Variants in CHD3 observed in about 807,000 individuals in gnomAD.
The protein encoded by CHD3 is chromodomain helicase DNA binding protein 3.
A neutral mutation model predicts 248.9 loss-of-function variants in CHD3; 52 were observed. The observed-to-expected ratio is 0.21, with a 90% confidence interval of 0.17 to 0.26. CHD3 has a LOEUF of 0.26. CHD3 is among the 10% of genes least tolerant of loss of function. The pLI, the probability that CHD3 is intolerant of heterozygous loss-of-function variation, is 1.00. For synonymous variants in CHD3, 985 were observed against 985.2 expected (o/e 1.00, Z 0.00); for missense variants, 1,482 against 2,605.8 (o/e 0.57, Z 9.39).
Position 7,894,132 on chromosome 17 carries a change from C to T in CHD3, c.942C>T (p.Asp314=), listed in dbSNP as rs147547238. The part of the protein sequence containing the change: ...KKGGSYVFQS[D]EGPEPEAEES... ...ATGGGCAGTATGTTTTTCAGAGCGACGAAGGTCCTGAACCAGAGGCTGAGG... is the reference window on the plus strand; with the variant it reads ...ATGGGCAGTATGTTTTTCAGAGCGATGAAGGTCCTGAACCAGAGGCTGAGG... Residue 314 remains aspartate (D), a synonymous_variant, in exon 7 of 40, where the codon GAC becomes GAT. Coordinates refer to ENST00000330494, the MANE Select transcript of CHD3 (RefSeq NM_001005273.3). 15 of 1,611,854 alleles carry T rather than the reference C, an allele frequency of 9.3e-6. No individual in the cohort carries two copies. Among genetic ancestry groups the T allele is most frequent in the African/African-American group, 2.7e-5 (2 of 74,814 alleles).
chr17:7,907,092 ATC>A lies in CHD3; in HGVS notation c.4667-30_4667-29del, dbSNP rs1971060479. 2 of 1,613,858 alleles carry A rather than the reference ATC, an allele frequency of 1.2e-6. No homozygotes were observed. Among genetic ancestry groups the A allele is most frequent in the Non-Finnish European group, 1.7e-6 (2 of 1,179,910 alleles). On this transcript the variant is annotated intron_variant, in intron 30 of 39. Coordinates refer to ENST00000330494, the MANE Select transcript of CHD3 (RefSeq NM_001005273.3). The surrounding 1 kb of genome is among the most constrained non-coding windows in gnomAD (Gnocchi z 4.3). Reference sequence around the variant, plus strand: ...GGGAGCCAGGAGTCAGGGCGGGAGAATCTCTGTCTTTATCACTGTGCCTTCCC... The same window carrying A: ...GGGAGCCAGGAGTCAGGGCGGGAGAATCTGTCTTTATCACTGTGCCTTCCC...
rs997924139 is a variant in CHD3, at chr17:7,903,137, C to T, written c.3495+76C>T. The T allele has an allele frequency of 1.5e-5, 23 of 1,579,882 alleles. No individual in the cohort carries two copies. Among genetic ancestry groups the T allele is most frequent in the South Asian group, 2.3e-5 (2 of 87,604 alleles). On this transcript the variant is annotated intron_variant, in intron 22 of 39. Transcript: ENST00000330494. This position sits in a 1 kb window ranked among gnomAD's most constrained non-coding sequence, Gnocchi z 6.8. ...GTTCATGGAGGAGGGTGTCATGTTC[C>T]GGGGTCAGAAATAAATCTCTTCTGG...
rs1971672500 is a variant in CHD3, at chr17:7,911,573, T to C, written c.5991T>C (p.Cys1997=). ...AGCCCCGAGCCGGGGAGGTGATCTG[T>C]ATAGACGACTGACTGGATCCCAGGC... ...RKEPRAGEVI[C]IDD The change falls in exon 40 of 40, where the codon TGT becomes TGC. Residue 1997 remains cysteine, a synonymous_variant. Transcript: ENST00000330494. The surrounding 1 kb of genome is among the most constrained non-coding windows in gnomAD (Gnocchi z 5.4). The C allele has an allele frequency of 1.2e-6, 2 of 1,614,064 alleles. No homozygotes were observed. The highest frequency in any genetic ancestry group is 4.5e-5 in the East Asian group (2 of 44,868).
chr17:7,900,432 A>G lies in CHD3; in HGVS notation c.2804+21A>G. On this transcript the variant is annotated intron_variant, in intron 17 of 39. Transcript: ENST00000330494. The surrounding 1 kb of genome is among the most constrained non-coding windows in gnomAD (Gnocchi z 6.5). ...TTTAAGTAAGTGGTTCCCTAAGGGTAGTTGGCAGAGATGAGAGGTGGAGCA... is the reference window on the plus strand; with the variant it reads ...TTTAAGTAAGTGGTTCCCTAAGGGTGGTTGGCAGAGATGAGAGGTGGAGCA... 1 of 1,614,024 alleles carries G rather than the reference A, an allele frequency of 6.2e-7. No homozygotes were observed. Among genetic ancestry groups the G allele is most frequent in the Non-Finnish European group, 8.5e-7 (1 of 1,179,960 alleles).
chr17:7,894,868 A>G lies in CHD3; in HGVS notation c.1270-49A>G, dbSNP rs1239868183. 4.4e-6 allele frequency: 7 copies of G among 1,601,064 alleles called. No individual in the cohort carries two copies. In the Admixed American group the frequency reaches 5.0e-5, roughly 12 times the overall value. ...GTCTTTGCCTGTATCTTCCAGTTTC[A>G]TTCCTTAATTTCTTCCATCTGTCTG... On this transcript the variant is annotated intron_variant, in intron 8 of 39. Transcript: ENST00000330494.
Position 7,903,112 on chromosome 17 carries a change from G to A in CHD3, c.3495+51G>A. The A allele has an allele frequency of 6.3e-7, 1 of 1,595,680 alleles. No individual in the cohort carries two copies. The highest frequency in any genetic ancestry group is 8.6e-7 in the Non-Finnish European group (1 of 1,167,144). On this transcript the variant is annotated intron_variant, in intron 22 of 39. Coordinates refer to ENST00000330494, the MANE Select transcript of CHD3 (RefSeq NM_001005273.3). The surrounding 1 kb of genome is among the most constrained non-coding windows in gnomAD (Gnocchi z 6.8). The stretch of plus-strand genomic sequence containing the variant: ...TGCACCATTTAGCAAGGAGATGTGG[G>A]TTCATGGAGGAGGGTGTCATGTTCC...
At position 7,909,213 on chromosome 17, in the gene CHD3, C is replaced by T. The variant is rs752113004; in HGVS notation, c.5465C>T (p.Pro1822Leu). 15 of 1,549,254 alleles carry T rather than the reference C, an allele frequency of 9.7e-6. No individual in the cohort carries two copies. Among genetic ancestry groups the T allele is most frequent in the East Asian group, 2.4e-5 (1 of 41,012 alleles). The change falls in exon 37 of 40, where the codon CCG becomes CTG. Residue 1822 changes from proline (P) to leucine (L), a missense_variant. Coordinates refer to ENST00000330494, the MANE Select transcript of CHD3 (RefSeq NM_001005273.3). This position sits in a 1 kb window ranked among gnomAD's most constrained non-coding sequence, Gnocchi z 8.1. Reference protein sequence around the residue: ...RAAYLNLSQEPAHPAMALHAR... With the variant: ...RAAYLNLSQELAHPAMALHAR... ...GCCTACCTGAACCTGTCGCAGGAGC[C>T]GGCGCACCCCGCCATGGCCCTCCAC...
chr17:7,905,986 T>A lies in CHD3; in HGVS notation c.4355T>A (p.Phe1452Tyr). ...CTGAGGGGCAAGACTGAGAAGGAGT[T>A]TAAGTGAGTGTGGGTGATACAGGGC... Reference protein sequence around the residue: ...RDLRGKTEKEFKAYVSLFMRH... With the variant: ...RDLRGKTEKEYKAYVSLFMRH... The change falls in exon 28 of 40, where the codon TTT becomes TAT. Residue 1452 changes from phenylalanine (F) to tyrosine (Y), a missense_variant. Phe to Tyr is a conservative substitution (Grantham distance 22). Around this residue, in one of 20 missense-constraint regions of CHD3, gnomAD observed 156 missense variants for 420.3 expected, o/e 0.37. Coordinates refer to ENST00000330494, the MANE Select transcript of CHD3 (RefSeq NM_001005273.3). The surrounding 1 kb of genome is among the most constrained non-coding windows in gnomAD (Gnocchi z 5.8). 6.2e-7 allele frequency: 1 copy of A among 1,613,826 alleles called. No homozygotes were observed. The highest frequency in any genetic ancestry group is 8.5e-7 in the Non-Finnish European group (1 of 1,179,902).
At chr17:7,893,782 T>C in intron 5 of CHD3, 23 bp from the exon 6 acceptor site, 1 of 1,611,422 alleles carries the variant, frequency 6.2e-7, no homozygotes, top group Non-Finnish European at 8.5e-7. Context: ...TTTTTCCTCT[T>C]CTCACCCCGA....
At chr17:7,884,827 C>CGAGGAG (rs781353736), upstream of CHD3, 3 of 803,844 alleles carry the variant, frequency 3.7e-6, no homozygotes, top group East Asian at 4.0e-5. Flanking sequence ...CTCTGAGGGA[C>CGAGGAG]GAGGAGGAGG....
chr17:7,889,173 G>A lies in CHD3; in HGVS notation c.100+73G>A. 2.5e-6 allele frequency: 4 copies of A among 1,592,052 alleles called. No homozygotes were observed. The South Asian group carries it at 4.5e-5, about 18-fold the overall frequency. On this transcript the variant is annotated intron_variant, in intron 1 of 39. Transcript: ENST00000330494. This position sits in a 1 kb window ranked among gnomAD's most constrained non-coding sequence, Gnocchi z 4.5. ...GATGTCAGGGCCCCAGGGTGTTAGT[G>A]TGAGAACCCAGGTGTCCACCTTTGG...
Position 7,904,017 on chromosome 17 carries a change from T to G in CHD3, c.3894+26T>G, listed in dbSNP as rs778862217. 6.2e-7 allele frequency: 1 copy of G among 1,610,196 alleles called. No homozygotes were observed. Among genetic ancestry groups the G allele is most frequent in the East Asian group, 2.2e-5 (1 of 44,826 alleles). On this transcript the variant is annotated intron_variant, in intron 24 of 39. Transcript: ENST00000330494. The surrounding 1 kb of genome is among the most constrained non-coding windows in gnomAD (Gnocchi z 4.4). ...GTGAGAGGCTTTGGGGGCCAGACAT[T>G]ATCTATCCCAGGCCATCTCCAAAAG...
chr17:7,893,379 C>G lies in CHD3; in HGVS notation c.603C>G (p.Pro201=). 9.9e-6 allele frequency: 16 copies of G among 1,613,860 alleles called. 1 individual carries two copies. Among genetic ancestry groups the G allele is most frequent in the Non-Finnish European group, 1.4e-5 (16 of 1,179,914 alleles). The change falls in exon 5 of 40, where the codon CCC becomes CCG. Residue 201 remains proline, a synonymous_variant. Transcript: ENST00000330494. ...GGAGAGAGTTCAGTGCCAACAACCC[C>G]TTCAAGGGGTCAGCAGCTGCTGTGG... is the stretch of plus-strand genomic sequence containing the variant. ...AKWREFSANN[P]FKGSAAAVAA...
In CHD3 at chr17:7,907,809, C is replaced by T; in HGVS notation, c.5027-85C>T. The T allele has an allele frequency of 6.6e-7, 1 of 1,505,540 alleles. No individual in the cohort carries two copies. Among genetic ancestry groups the T allele is most frequent in the Non-Finnish European group, 8.9e-7 (1 of 1,122,308 alleles). The allele number at this position is 1,505,540 out of a possible 1,614,324, so 93.3% of individuals were successfully genotyped here. A position where few individuals can be genotyped will look rare whatever the true frequency, so the allele number is the denominator to read the frequency against. On this transcript the variant is annotated intron_variant, in intron 33 of 39. Coordinates refer to ENST00000330494, the MANE Select transcript of CHD3 (RefSeq NM_001005273.3). The surrounding 1 kb of genome is among the most constrained non-coding windows in gnomAD (Gnocchi z 4.3). The stretch of plus-strand genomic sequence containing the variant: ...CTGGGCGGGTAGCTGTTTGAAAGGC[C>T]AGTACAGTACAGTACAGATAGTAGT...
Position 7,909,392 on chromosome 17 carries a change from T to C in CHD3, c.5590+54T>C. On this transcript the variant is annotated intron_variant, in intron 37 of 39. Transcript: ENST00000330494. This position sits in a 1 kb window ranked among gnomAD's most constrained non-coding sequence, Gnocchi z 8.1. ...GAGGGCCCACAACGCTGCGTAAGTC[T>C]TCACCCCGCACCCCTCAAAATCTTC... 6.7e-7 allele frequency: 1 copy of C among 1,490,310 alleles called. No individual in the cohort carries two copies. The highest frequency in any genetic ancestry group is 8.9e-7 in the Non-Finnish European group (1 of 1,117,618). 92.3% of individuals were successfully genotyped at this position (1,490,310 alleles called of 1,614,324 possible). A position where few individuals can be genotyped will look rare whatever the true frequency, so the allele number is the denominator to read the frequency against.
At position 7,903,219 on chromosome 17, in the gene CHD3, C is replaced by G; in HGVS notation, c.3496-53C>G. 1 of 1,590,424 alleles carries G rather than the reference C, an allele frequency of 6.3e-7. No homozygotes were observed. Among genetic ancestry groups the G allele is most frequent in the Non-Finnish European group, 8.6e-7 (1 of 1,161,664 alleles). ...TTTCCTGAGGCAGCTCTATGGGCAG[C>G]TTCTCCCCGGCCACTCCCCTGACCC... On this transcript the variant is annotated intron_variant, in intron 22 of 39. Transcript: ENST00000330494. This position sits in a 1 kb window ranked among gnomAD's most constrained non-coding sequence, Gnocchi z 6.8.
At chr17:7,893,708 C>G in intron 5 of CHD3, 97 bp from the exon 6 acceptor site, 1 of 1,535,714 alleles carries the variant, frequency 6.5e-7, no homozygotes, top group Non-Finnish European at 8.7e-7. Flanking sequence ...AGTGAAACCA[C>G]AGCCCACAGA....
At position 7,894,623 on chromosome 17, in the gene CHD3, C is replaced by T; in HGVS notation, c.1269+15C>T. 1 of 1,601,650 alleles carries T rather than the reference C, an allele frequency of 6.2e-7. No homozygotes were observed. Among genetic ancestry groups the T allele is most frequent in the Non-Finnish European group, 8.5e-7 (1 of 1,170,798 alleles). Reference sequence around the variant, plus strand: ...GCCCTCACTGTGTGAGTACCTAATGCCAGCATCTGATGGCCCTGAGGAACC... The same window carrying T: ...GCCCTCACTGTGTGAGTACCTAATGTCAGCATCTGATGGCCCTGAGGAACC... On this transcript the variant is annotated intron_variant, in intron 8 of 39. Coordinates refer to ENST00000330494, the MANE Select transcript of CHD3 (RefSeq NM_001005273.3).
chr17:7,889,625 C>T lies in CHD3; in HGVS notation c.101-39C>T. 6.4e-7 allele frequency: 1 copy of T among 1,570,634 alleles called. No individual in the cohort carries two copies. On this transcript the variant is annotated intron_variant, in intron 1 of 39. Transcript: ENST00000330494. This position sits in a 1 kb window ranked among gnomAD's most constrained non-coding sequence, Gnocchi z 4.5. ...GTTGAGGGGCCTCAGAGGCTGGAAA[C>T]CTAGAGGCTTAGGTTTTCTGATGCT...
Sources: allele counts gnomAD v4.1 joint callset, GRCh38; gene constraint gnomAD v4.1.1; regional missense constraint gnomAD v4.1.1; non-coding constraint Gnocchi (gnomAD v3.1); transcripts MANE v1.5; gene names NCBI Gene and HGNC (gene_info 2026-07-23, HGNC 2026-07-21).